Variants in PAK5 observed in about 807,000 individuals in gnomAD.
PAK5 encodes the protein p21 (RAC1) activated kinase 5, also known as serine/threonine-protein kinase PAK 5.
PAK5 carries 16 observed loss-of-function variants against 65.9 expected under a neutral mutation model. The observed-to-expected ratio is 0.24, with a 90% CI of 0.16 to 0.37. PAK5 has a LOEUF of 0.37. Among genes scored for constraint, PAK5 ranks in the 10% least tolerant of loss-of-function variants. The probability of loss-of-function intolerance (pLI) is 1.00; values close to 1 mark genes in which losing one functional copy is unlikely to be tolerated. For synonymous variants in PAK5, 371 were observed against 354.9 expected, an observed-to-expected ratio of 1.05 and a Z score of -0.51; for missense variants, 785 against 903.9, an observed-to-expected ratio of 0.87 and a Z score of 1.69.
intron 1 of PAK5, among the ~76,000 whole-genome samples, chr20:9,810,078 A>G (rs2049280444): frequency 6.6e-6 from 1 of 152,044 alleles, no homozygotes; most frequent in African/African-American, 2.4e-5. Flanking sequence ...GTCCATGGTC[A>G]CAGATGCACT....
At chr20:9,813,065 A>G (rs2049316326) in intron 1 of PAK5, among the ~76,000 whole-genome samples, 1 of 152,214 alleles carries the variant, frequency 6.6e-6, no homozygotes, top group African/African-American at 2.4e-5. Context: ...AAAGAAATAA[A>G]CTATTGATAT....
chr20:9,716,815 G>A (rs756931056), intron 1 of PAK5, among the ~76,000 whole-genome samples: 1 of 152,086 alleles, frequency 6.6e-6, no homozygotes, highest in Admixed American at 6.5e-5. Flanking sequence ...CAGGTGTGGT[G>A]GCTTACCCTG....
chr20:9,628,709 G>T (rs1037977676), intron 3 of PAK5, among the ~76,000 whole-genome samples: 1 of 152,122 alleles, frequency 6.6e-6, no homozygotes, highest in African/African-American at 2.4e-5. Context: ...AGTTGCCACC[G>T]GTGCTGTGCC....
intron 1 of PAK5, among the ~76,000 whole-genome samples, chr20:9,720,547 T>G (rs959443257): frequency 1.3e-5 from 2 of 152,174 alleles, no homozygotes; most frequent in Non-Finnish European, 2.9e-5. Flanking sequence ...AGGTATTTTA[T>G]TTTACACATT....
chr20:9,597,837 G>A (rs906537173), intron 3 of PAK5, among the ~76,000 whole-genome samples: 6 of 152,202 alleles, frequency 3.9e-5, no homozygotes, highest in Non-Finnish European at 7.3e-5. Flanking sequence ...TGCTAGGCCA[G>A]CCAGCCTCTA....
At chr20:9,730,911 A>G (rs1202802825) in intron 1 of PAK5, among the ~76,000 whole-genome samples, 2 of 152,206 alleles carry the variant, frequency 1.3e-5, no homozygotes, top group African/African-American at 4.8e-5. Flanking sequence ...CCCAAAAGCA[A>G]ATCCAGAGGT....
Position 9,544,437 on chromosome 20 carries a change from T to C in PAK5, c.1801A>G (p.Lys601Glu). ...CAGTAGGGAGTGCCAACCAATGATT[T>C]CCTCTTCGGCACCTCTTTGGAAACT... ...AQVSKEVPKR[K>E]SLVGTPYWMA... The change falls in exon 8 of 10, where the codon AAA becomes GAA. Residue 601 changes from lysine (K) to glutamate (E), a missense_variant. Lys to Glu is a moderately conservative substitution (Grantham distance 56, BLOSUM62 1). This residue lies in a region of PAK5 where 182 missense variants were observed against 273.0 expected (regional missense o/e 0.67). Transcript: ENST00000353224. 1 of 1,613,960 alleles carries C rather than the reference T, an allele frequency of 6.2e-7. No homozygotes were observed. Among genetic ancestry groups the C allele is most frequent in the Non-Finnish European group, 8.5e-7 (1 of 1,179,818 alleles).
intron 2 of PAK5, among the ~76,000 whole-genome samples, chr20:9,684,123 T>C (rs912646525): frequency 9.9e-5 from 15 of 152,082 alleles, no homozygotes; most frequent in African/African-American, 2.7e-4. Flanking sequence ...TGTTAAACCA[T>C]TGGGAATTTG....
chr20:9,715,105 G>C (rs60045914), intron 1 of PAK5, among the ~76,000 whole-genome samples: 101,944 of 151,960 alleles, frequency 0.67, 34,430 homozygotes, highest in East Asian at 0.84. Context: ...AGAGTGAACA[G>C]GCAACCTACA....
intron 1 of PAK5, among the ~76,000 whole-genome samples, chr20:9,717,184 A>T (rs1357532243): frequency 1.3e-5 from 2 of 152,190 alleles, no homozygotes; most frequent in African/African-American, 2.4e-5. Context: ...TGCATATTTT[A>T]ACAAAAGGTA....
intron 1 of PAK5, among the ~76,000 whole-genome samples, chr20:9,815,158 T>C (rs1001860235): frequency 1.3e-5 from 2 of 152,068 alleles, no homozygotes; most frequent in African/African-American, 4.8e-5. Context: ...CACCAAAAAA[T>C]TCATGAAGGA....
At chr20:9,549,420 G>C (rs2045393594) in intron 7 of PAK5, among the ~76,000 whole-genome samples, 1 of 152,148 alleles carries the variant, frequency 6.6e-6, no homozygotes, top group Non-Finnish European at 1.5e-5. Context: ...AGTTACCCTG[G>C]GAAGGATTAC....
chr20:9,645,372 T>A (rs1016704723), intron 2 of PAK5, among the ~76,000 whole-genome samples: 8 of 152,252 alleles, frequency 5.3e-5, no homozygotes, highest in African/African-American at 1.9e-4. Context: ...TGGGTTTGCA[T>A]CCCAGCTAGG....
intron 1 of PAK5, among the ~76,000 whole-genome samples, chr20:9,741,131 C>T (rs561810531): frequency 4.5e-4 from 68 of 152,254 alleles, no homozygotes; most frequent in Non-Finnish European, 8.1e-4. Context: ...AAGATTTGTG[C>T]ACTTTACTTT....
In PAK5 at chr20:9,655,122, G is replaced by C. The variant is rs113095402; in HGVS notation, c.-11-10783C>G. On this transcript the variant is annotated intron_variant, in intron 2 of 9. Transcript: ENST00000353224. ...CAAGCAGTTCACCACCCTGTAGGCA[G>C]ACCAATGTTTCTAAAATGTATGTCT... Among the ~76,000 whole-genome samples the C allele has an allele frequency of 7.6e-3, 1,163 of 152,208 alleles. 14 individuals carry two copies. The highest frequency in any genetic ancestry group is 0.026 in the African/African-American group (1,093 of 41,518).
At chr20:9,676,445 T>G (rs1020417747) in intron 2 of PAK5, among the ~76,000 whole-genome samples, 2 of 152,218 alleles carry the variant, frequency 1.3e-5, no homozygotes, top group African/African-American at 4.8e-5. Context: ...CAATTACAAT[T>G]TCTACAGAAA....
At chr20:9,829,269 T>G (rs1978522349) in intron 1 of PAK5, among the ~76,000 whole-genome samples, 1 of 152,168 alleles carries the variant, frequency 6.6e-6, no homozygotes, top group African/African-American at 2.4e-5. Flanking sequence ...ATCTGAGGAT[T>G]TGAGAGTATT....
intron 1 of PAK5, among the ~76,000 whole-genome samples, chr20:9,831,619 C>T (rs1052282574): frequency 1.3e-5 from 2 of 152,136 alleles, no homozygotes; most frequent in East Asian, 3.9e-4. Context: ...ACATTCCTTC[C>T]ACCTCAGCCT....
intron 2 of PAK5, among the ~76,000 whole-genome samples, chr20:9,707,181 G>A (rs749539075): frequency 3.3e-5 from 5 of 151,794 alleles, no homozygotes; most frequent in Non-Finnish European, 7.4e-5. Flanking sequence ...GTCTAGCCTG[G>A]AGTGCAGTGG....
Sources: gnomAD v4.1 joint callset for allele counts (sites outside exome capture counted in the v4.1 genomes callset) on GRCh38, gnomAD v4.1.1 for gene constraint, gnomAD v4.1.1 regional missense constraint, MANE v1.5 for transcripts, NCBI Gene and HGNC (gene_info 2026-07-23, HGNC 2026-07-21) for gene names.